LIX1: variants seen among roughly 807,000 people sequenced by gnomAD.
LIX1 encodes the protein limb and CNS expressed 1, also known as protein limb expression 1 homolog.
LIX1 carries 24 observed loss-of-function variants against 33.4 expected under a neutral mutation model. That is an observed-to-expected ratio of 0.72 (90% confidence interval 0.52 to 1.01). The LOEUF (loss-of-function observed/expected upper bound fraction) is 1.01, where lower values mean the gene tolerates loss of function less well. LIX1 is among the 50% of genes least tolerant of loss of function. The pLI, the probability that LIX1 is intolerant of heterozygous loss-of-function variation, is 0.00. For synonymous variants in LIX1, 124 were observed against 124.0 expected (o/e 1.00, Z 0.00); for missense variants, 311 against 339.2 (o/e 0.92, Z 0.65).
intron 4 of LIX1, among the ~76,000 whole-genome samples, chr5:97,100,822 C>T (rs914080099): frequency 1.3e-5 from 2 of 150,118 alleles, no homozygotes; most frequent in Non-Finnish European, 2.9e-5. Flanking sequence ...GTCCCAGCTA[C>T]TTGGGAGGCT....
At chr5:97,115,147 T>G (rs916582789) in intron 2 of LIX1, among the ~76,000 whole-genome samples, 1 of 152,220 alleles carries the variant, frequency 6.6e-6, no homozygotes, top group Non-Finnish European at 1.5e-5. Context: ...AATGTTGAGA[T>G]TTAACCAAGA....
At chr5:97,103,291 C>T (rs184618980) in intron 4 of LIX1, among the ~76,000 whole-genome samples, 214 of 152,274 alleles carry the variant, frequency 1.4e-3, no homozygotes, top group Admixed American at 2.2e-3. Flanking sequence ...GAGTTGTCAA[C>T]GGAATCCATC....
intron 4 of LIX1, among the ~76,000 whole-genome samples, chr5:97,097,265 C>CT (rs1376835453): frequency 6.6e-6 from 1 of 152,164 alleles, no homozygotes; most frequent in Non-Finnish European, 1.5e-5. Context: ...TTGCTCGAGA[C>CT]TGACAGCATC....
chr5:97,116,530 G>A (rs560629079), intron 2 of LIX1, among the ~76,000 whole-genome samples: 1 of 152,214 alleles, frequency 6.6e-6, no homozygotes, highest in African/African-American at 2.4e-5. Flanking sequence ...TGGTGGGTCA[G>A]AATGTTATTT....
At chr5:97,101,472 A>C (rs1457044889) in intron 4 of LIX1, among the ~76,000 whole-genome samples, 1 of 152,140 alleles carries the variant, frequency 6.6e-6, no homozygotes, top group African/African-American at 2.4e-5. Context: ...TTCATTTTGC[A>C]CTGGGCCTGG....
intron 1 of LIX1, among the ~76,000 whole-genome samples, chr5:97,134,542 T>C (rs1360097111): frequency 6.6e-6 from 1 of 152,274 alleles, no homozygotes; most frequent in Admixed American, 6.5e-5. Context: ...TTAATTAGTA[T>C]TTTAGCAATT....
At chr5:97,113,778 A>T (rs1747539493) in intron 2 of LIX1, among the ~76,000 whole-genome samples, 1 of 152,192 alleles carries the variant, frequency 6.6e-6, no homozygotes, top group Admixed American at 6.5e-5. Flanking sequence ...CTAAATCAGT[A>T]CAGTATTTTA....
At chr5:97,126,575 G>C (rs1391221335) in intron 1 of LIX1, among the ~76,000 whole-genome samples, 1 of 151,740 alleles carries the variant, frequency 6.6e-6, no homozygotes, top group Non-Finnish European at 1.5e-5. Context: ...TGGTCAAGTT[G>C]AGAATTGGTC....
intron 2 of LIX1, among the ~76,000 whole-genome samples, chr5:97,119,606 G>T (rs1747729232): frequency 6.6e-6 from 1 of 152,166 alleles, no homozygotes; most frequent in African/African-American, 2.4e-5. Context: ...AAGCAAAGAT[G>T]TTAACAGTCC....
At chr5:97,134,809 G>T (rs1748136593) in intron 1 of LIX1, among the ~76,000 whole-genome samples, 1 of 152,182 alleles carries the variant, frequency 6.6e-6, no homozygotes, top group Non-Finnish European at 1.5e-5. Context: ...CAGGCTAATG[G>T]AATCTTGTGG....
chr5:97,116,243 T>G (rs191349841), intron 2 of LIX1, among the ~76,000 whole-genome samples: 46 of 152,310 alleles, frequency 3.0e-4, no homozygotes. Flanking sequence ...AACATTTGCA[T>G]GTGTTCCAAT....
At chr5:97,096,935 T>G in intron 4 of LIX1, 48 bp from the exon 5 acceptor site, 5 of 1,384,794 alleles carry the variant, frequency 3.6e-6, no homozygotes, top group Non-Finnish European at 5.2e-6. Flanking sequence ...GAAATGTGCA[T>G]TGGTGAGAGC....
At chr5:97,131,659 G>A (rs564379777) in intron 1 of LIX1, among the ~76,000 whole-genome samples, 2 of 152,136 alleles carry the variant, frequency 1.3e-5, no homozygotes, top group South Asian at 2.1e-4. Flanking sequence ...TAGCCTCCTT[G>A]GTATCCAGCA....
chr5:97,113,695 G>T (rs73143141), intron 2 of LIX1, among the ~76,000 whole-genome samples: 1 of 152,172 alleles, frequency 6.6e-6, no homozygotes, highest in East Asian at 1.9e-4. Flanking sequence ...TTGCTATTTT[G>T]CTCTTCACAG....
chr5:97,103,712 T>C (rs896362439), intron 4 of LIX1, among the ~76,000 whole-genome samples: 4 of 152,158 alleles, frequency 2.6e-5, no homozygotes, highest in African/African-American at 9.7e-5. Context: ...ACACCTGTAA[T>C]CCTAGCACTT....
At chr5:97,097,884 A>G (rs568004473) in intron 4 of LIX1, among the ~76,000 whole-genome samples, 3 of 152,286 alleles carry the variant, frequency 2.0e-5, no homozygotes, top group African/African-American at 4.8e-5. Context: ...CAAACAAGCC[A>G]GTTTTAGCCG....
chr5:97,101,664 C>CT (rs1343561181), intron 4 of LIX1: 4 of 152,208 alleles, frequency 2.6e-5, no homozygotes, highest in African/African-American at 9.7e-5. Flanking sequence ...TCCTCACAGC[C>CT]TTTCCTGGGG....
chr5:97,097,754 AATAG>A (rs1292065480), intron 4 of LIX1, among the ~76,000 whole-genome samples: 1 of 152,228 alleles, frequency 6.6e-6, no homozygotes, highest in African/African-American at 2.4e-5. Context: ...CATTAGGCTT[AATAG>A]ATCAAATCAA....
At chr5:97,117,139 C>T (rs982436137) in intron 2 of LIX1, among the ~76,000 whole-genome samples, 5 of 152,116 alleles carry the variant, frequency 3.3e-5, no homozygotes, top group African/African-American at 7.2e-5. Flanking sequence ...ATATGACTTT[C>T]GAATGGTTAT....
Sources: allele counts gnomAD v4.1 joint callset (sites outside exome capture counted in the v4.1 genomes callset), GRCh38; gene constraint gnomAD v4.1.1; transcripts MANE v1.5; gene names NCBI Gene and HGNC (gene_info 2026-07-23, HGNC 2026-07-21).